EPHA3: variants seen among roughly 807,000 people sequenced by gnomAD.
EPHA3 encodes EPH receptor A3.
In EPHA3, 42 loss-of-function variants were observed where a neutral mutation model predicts 107.1. That is an observed-to-expected ratio of 0.39 (90% CI 0.31 to 0.51). The LOEUF (loss-of-function observed/expected upper bound fraction) is 0.51. EPHA3 is among the 20% of genes least tolerant of loss of function. The pLI is 0.78. For synonymous variants in EPHA3, 461 were observed against 424.8 expected (o/e 1.09, Z -1.05); for missense variants, 1,183 against 1,211.2 (o/e 0.98, Z 0.35).
intron 1 of EPHA3, among the ~76,000 whole-genome samples, chr3:89,113,172 G>A (rs1229116412): frequency 6.6e-6 from 1 of 152,006 alleles, no homozygotes; most frequent in Non-Finnish European, 1.5e-5. Context: ...CAGAAAACCA[G>A]GATTAGAAAT....
intron 5 of EPHA3, among the ~76,000 whole-genome samples, chr3:89,373,737 A>T (rs1394752088): frequency 1.3e-5 from 2 of 151,656 alleles, no homozygotes; most frequent in African/African-American, 2.4e-5. Flanking sequence ...GACAGGAAAG[A>T]TCTATTCAGA....
chr3:89,172,351 G>A (rs1013233609), intron 2 of EPHA3, among the ~76,000 whole-genome samples: 1 of 152,106 alleles, frequency 6.6e-6, no homozygotes, highest in Non-Finnish European at 1.5e-5. Context: ...CTGGGAAGAG[G>A]GCTGTTTGGG....
chr3:89,413,117 G>T (rs542906772), intron 9 of EPHA3, 24 bp from the exon 10 acceptor site: 9 of 1,609,102 alleles, frequency 5.6e-6, no homozygotes, highest in Non-Finnish European at 7.6e-6. Context: ...CTACAATTGC[G>T]CCTTTCTTTC....
At chr3:89,413,344 T>C in intron 10 of EPHA3, 78 bp downstream of exon 10, 2 of 1,540,586 alleles carry the variant, frequency 1.3e-6, no homozygotes, top group South Asian at 2.3e-5. Context: ...CTAAGTATAT[T>C]GCTAAAGAAA....
At chr3:89,422,817 C>G (rs901042897) in intron 11 of EPHA3, among the ~76,000 whole-genome samples, 1 of 151,288 alleles carries the variant, frequency 6.6e-6, no homozygotes, top group Non-Finnish European at 1.5e-5. Flanking sequence ...TTGAAGAAAA[C>G]TTTTCTTAAA....
chr3:89,169,372 G>C (rs1448970882), intron 2 of EPHA3, among the ~76,000 whole-genome samples: 1 of 151,912 alleles, frequency 6.6e-6, no homozygotes, highest in Non-Finnish European at 1.5e-5. Flanking sequence ...ATAGTAGTTG[G>C]GTCTTAGCTG....
chr3:89,351,673 A>T (rs1254316065), intron 5 of EPHA3, among the ~76,000 whole-genome samples: 1 of 151,184 alleles, frequency 6.6e-6, no homozygotes, highest in African/African-American at 2.4e-5. Flanking sequence ...ACAATTTCTT[A>T]AAAACAATAA....
intron 1 of EPHA3, among the ~76,000 whole-genome samples, chr3:89,118,906 A>G (rs547997098): frequency 1.6e-4 from 24 of 152,078 alleles, no homozygotes; most frequent in African/African-American, 4.8e-4. Flanking sequence ...TATGATATGA[A>G]TCTTTAGTGG....
chr3:89,178,679 T>C (rs1365500207), intron 2 of EPHA3, among the ~76,000 whole-genome samples: 1 of 151,916 alleles, frequency 6.6e-6, no homozygotes, highest in East Asian at 1.9e-4. Context: ...AATAATATAA[T>C]GTATTAACTA....
chr3:89,410,438 T>A (rs1441701352), intron 9 of EPHA3, among the ~76,000 whole-genome samples: 2 of 152,040 alleles, frequency 1.3e-5, no homozygotes, highest in Non-Finnish European at 2.9e-5. Context: ...CAACTCATTT[T>A]ATAATCTTTG....
In EPHA3 at chr3:89,365,758, T is replaced by G. The variant is rs752796737; in HGVS notation, c.1306+23668T>G. 1.1e-4 allele frequency among the ~76,000 whole-genome samples: 16 copies of G among 150,766 alleles called. 1 individual carries two copies. Among genetic ancestry groups the G allele is most frequent in the South Asian group, 4.2e-4 (2 of 4,774 alleles). On this transcript the variant is annotated intron_variant, in intron 5 of 16. Coordinates refer to ENST00000336596, the MANE Select transcript of EPHA3 (RefSeq NM_005233.6). Reference sequence around the variant, plus strand: ...GGAATAGAGGACAAAGCGGTATGACTGTCCTCATGTCCTTGAATAGGGTCT... The same window carrying G: ...GGAATAGAGGACAAAGCGGTATGACGGTCCTCATGTCCTTGAATAGGGTCT...
chr3:89,313,991 A>C (rs1193173350), intron 3 of EPHA3, among the ~76,000 whole-genome samples: 1 of 150,300 alleles, frequency 6.7e-6, no homozygotes. Flanking sequence ...TTTTAATATT[A>C]ATTTGATGCT....
At chr3:89,325,653 T>A (rs114355968) in intron 3 of EPHA3, among the ~76,000 whole-genome samples, 236 of 152,246 alleles carry the variant, frequency 1.6e-3, no homozygotes, top group African/African-American at 5.6e-3. Flanking sequence ...ACCCTAGAAT[T>A]CTCTGCCTTC....
intron 7 of EPHA3, 191 bp downstream of exon 7, chr3:89,399,671 G>T: frequency 2.4e-6 from 3 of 1,243,370 alleles, no homozygotes; most frequent in East Asian, 6.2e-5. Context: ...TACATTTTGT[G>T]TTTCTTTTTT....
intron 11 of EPHA3, among the ~76,000 whole-genome samples, chr3:89,423,823 A>G (rs1709400124): frequency 1.3e-5 from 2 of 151,414 alleles, no homozygotes; most frequent in Admixed American, 6.6e-5. Flanking sequence ...ATTTATATGT[A>G]TAGGATGGTT....
chr3:89,171,543 G>A lies in EPHA3; in HGVS notation c.154-38317G>A, dbSNP rs141625103. 8.6e-3 allele frequency among the ~76,000 whole-genome samples: 1,308 copies of A among 152,228 alleles called. 9 individuals carry two copies. Among genetic ancestry groups the A allele is most frequent in the East Asian group, 0.027 (138 of 5,172 alleles). ...AATTTTACAAACTCTTCTCACATTT[G>A]TTTCATTCTAAGAAAATGGTGAATG... On this transcript the variant is annotated intron_variant, in intron 2 of 16. Coordinates refer to ENST00000336596, the MANE Select transcript of EPHA3 (RefSeq NM_005233.6).
intron 15 of EPHA3, among the ~76,000 whole-genome samples, chr3:89,451,994 A>G (rs899172237): frequency 6.6e-6 from 1 of 152,054 alleles, no homozygotes; most frequent in African/African-American, 2.4e-5. Context: ...TGTGAAAAAA[A>G]TCAATCATAT....
At chr3:89,331,073 A>G (rs1208050532) in intron 3 of EPHA3, among the ~76,000 whole-genome samples, 1 of 152,136 alleles carries the variant, frequency 6.6e-6, no homozygotes, top group Non-Finnish European at 1.5e-5. Context: ...TGAGAGACAG[A>G]TATGGATATG....
intron 2 of EPHA3, among the ~76,000 whole-genome samples, chr3:89,175,864 A>G (rs1404699308): frequency 1.3e-5 from 2 of 152,038 alleles, no homozygotes; most frequent in African/African-American, 2.4e-5. Flanking sequence ...AAAACATCCT[A>G]TTCTCCAGGA....
Sources: gnomAD v4.1 joint callset for allele counts (sites outside exome capture counted in the v4.1 genomes callset) on GRCh38, gnomAD v4.1.1 for gene constraint, MANE v1.5 for transcripts, NCBI Gene and HGNC (gene_info 2026-07-23, HGNC 2026-07-21) for gene names.